Variants in GINM1 observed in about 807,000 individuals in gnomAD.
GINM1 encodes the protein glycosylated integral membrane protein 1, also known as glycoprotein integral membrane protein 1.
GINM1 carries 29 observed loss-of-function variants against 37.8 expected under a neutral mutation model. The observed-to-expected ratio is 0.77, with a 90% CI of 0.57 to 1.05. GINM1 has a LOEUF of 1.05. Among genes scored for constraint, GINM1 ranks in the 50% least tolerant of loss-of-function variants. GINM1 has a pLI of 0.00. For missense variants in GINM1, 377 were observed against 397.9 expected, an observed-to-expected ratio of 0.95 and a Z score of 0.45; for synonymous variants, 143 against 146.2, an observed-to-expected ratio of 0.98 and a Z score of 0.16.
chr6:149,576,099 T>A (rs1777910338), intron 3 of GINM1: 1 of 152,210 alleles, frequency 6.6e-6, no homozygotes, highest in African/African-American at 2.4e-5. Context: ...AGGTCGAGAA[T>A]CTGAGCTTGG....
chr6:149,581,715 C>T (rs957353796), intron 6 of GINM1, among the ~76,000 whole-genome samples: 1 of 152,098 alleles, frequency 6.6e-6, no homozygotes, highest in South Asian at 2.1e-4. Flanking sequence ...GAGAGTATCC[C>T]GATATCTCTC....
intron 7 of GINM1, among the ~76,000 whole-genome samples, chr6:149,589,607 T>G (rs1234802966): frequency 6.6e-6 from 1 of 152,202 alleles, no homozygotes; most frequent in East Asian, 1.9e-4. Context: ...TTCTGTATAC[T>G]TTTAAAGCTA....
chr6:149,568,977 G>A (rs921277280), intron 1 of GINM1, among the ~76,000 whole-genome samples: 6 of 150,440 alleles, frequency 4.0e-5, no homozygotes, highest in East Asian at 3.9e-4. Flanking sequence ...TACTACTGGC[G>A]CGTGCCACCA....
chr6:149,577,249 C>G (rs1562271565), intron 3 of GINM1: 1 of 152,260 alleles, frequency 6.6e-6, no homozygotes, highest in East Asian at 1.9e-4. Flanking sequence ...CATTGAGTCT[C>G]CTGTACCTTA....
In GINM1 at chr6:149,566,402, CG is replaced by C; in HGVS notation, c.-10del. ...CTCCCGGCCGCGGCTGCCCTCTGCC[CG>C]GGTTGTCCAAGATGGAGGGCGCTCC... On this transcript the variant is annotated 5_prime_UTR_variant, in exon 1 of 8. Transcript: ENST00000367419. This position sits in a 1 kb window ranked among gnomAD's most constrained non-coding sequence, Gnocchi z 4.4. 1 of 1,553,918 alleles carries C rather than the reference CG, an allele frequency of 6.4e-7. No homozygotes were observed. The highest frequency in any genetic ancestry group is 8.6e-7 in the Non-Finnish European group (1 of 1,161,158).
rs943477905 is a variant in GINM1 at position 149,578,809 on chromosome 6, T to A, written c.278-13T>A. 1.3e-6 allele frequency: 2 copies of A among 1,518,540 alleles called. No individual in the cohort carries two copies. The highest frequency in any genetic ancestry group is 1.4e-5 in the African/African-American group (1 of 70,590). The allele number at this position is 1,518,540 out of a possible 1,614,324, so 94.1% of individuals were successfully genotyped here. A position where few individuals can be genotyped will look rare whatever the true frequency, so the allele number is the denominator to read the frequency against. Reference sequence around the variant, plus strand: ...ATCTTTGTTCAAAGGTGTCACTACTTTTTTTTTTATAGTGAAGAATGAAAA... The same window carrying A: ...ATCTTTGTTCAAAGGTGTCACTACTATTTTTTTTATAGTGAAGAATGAAAA... On this transcript the variant is annotated splice_polypyrimidine_tract_variant and intron_variant, in intron 3 of 7. Transcript: ENST00000367419.
chr6:149,566,471 A>T lies in GINM1; in HGVS notation c.57A>T (p.Leu19=). 1 of 1,559,236 alleles carries T rather than the reference A, an allele frequency of 6.4e-7. No homozygotes were observed. Among genetic ancestry groups the T allele is most frequent in the Non-Finnish European group, 8.6e-7 (1 of 1,163,856 alleles). The change falls in exon 1 of 8, where the codon CTA becomes CTT. Residue 19 remains leucine (L), a synonymous_variant. Transcript: ENST00000367419. This position sits in a 1 kb window ranked among gnomAD's most constrained non-coding sequence, Gnocchi z 4.4. ...LALRLLLFVA[L]PASGWLTTGA... ...TCCGGCTCCTGCTGTTCGTGGCGCT[A>T]CCCGCCTCCGGCTGGCTGACGACGG...
chr6:149,577,157 A>G (rs1385522464), intron 3 of GINM1, among the ~76,000 whole-genome samples: 1 of 152,234 alleles, frequency 6.6e-6, no homozygotes, highest in Non-Finnish European at 1.5e-5. Flanking sequence ...TTTGCGGGGA[A>G]CATCCAAACT....
chr6:149,571,608 T>C lies in GINM1; in HGVS notation c.121-677T>C, dbSNP rs73781235. Reference sequence around the variant, plus strand: ...AAAGCAAGAAATGATTCAAATGGAATTGGGTATAGGATTCCTTCTGGGGGG... The same window carrying C: ...AAAGCAAGAAATGATTCAAATGGAACTGGGTATAGGATTCCTTCTGGGGGG... On this transcript the variant is annotated intron_variant, in intron 1 of 7. Transcript: ENST00000367419. Among the ~76,000 whole-genome samples the C allele has an allele frequency of 3.6e-3, 553 of 152,102 alleles. 3 individuals carry two copies. Among genetic ancestry groups the C allele is most frequent in the African/African-American group, 0.013 (530 of 41,480 alleles).
At chr6:149,576,212 G>C (rs1255994892) in intron 3 of GINM1, 2 of 152,110 alleles carry the variant, frequency 1.3e-5, no homozygotes, top group Non-Finnish European at 1.5e-5. Flanking sequence ...GCAGGAGTCA[G>C]TTCCTTCTGA....
At chr6:149,575,705 G>A (rs1777904042) in intron 3 of GINM1, among the ~76,000 whole-genome samples, 2 of 152,180 alleles carry the variant, frequency 1.3e-5, no homozygotes, top group African/African-American at 4.8e-5. Context: ...TTTGCAAGTG[G>A]TTCATTGCAA....
chr6:149,579,081 G>T, intron 4 of GINM1, 108 bp downstream of exon 4: 1 of 554,214 alleles, frequency 1.8e-6, no homozygotes, highest in Non-Finnish European at 3.1e-6. Context: ...TAAGGAAGGT[G>T]CCTAATGTTG....
At position 149,566,450 on chromosome 6, in the gene GINM1, G is replaced by T. The variant is rs11547034; in HGVS notation, c.36G>T (p.Arg12=). The T allele has an allele frequency of 1.9e-6, 3 of 1,575,328 alleles. No individual in the cohort carries two copies. The highest frequency in any genetic ancestry group is 4.7e-5 in the East Asian group (2 of 42,690). ...CTCCACCGGGGTCGCTCGCCCTCCG[G>T]CTCCTGCTGTTCGTGGCGCTACCCG... The part of the protein sequence containing the change: ...EGAPPGSLAL[R]LLLFVALPAS... The change falls in exon 1 of 8, where the codon CGG becomes CGT. Residue 12 remains arginine (R), a synonymous_variant. Transcript: ENST00000367419. This position sits in a 1 kb window ranked among gnomAD's most constrained non-coding sequence, Gnocchi z 4.4.
At chr6:149,572,823 G>A (rs777691036) in intron 3 of GINM1, among the ~76,000 whole-genome samples, 2 of 152,012 alleles carry the variant, frequency 1.3e-5, no homozygotes, top group African/African-American at 2.4e-5. Flanking sequence ...CACCATACCC[G>A]GCTAACTTTT....
At chr6:149,569,208 A>G (rs1447410165) in intron 1 of GINM1, among the ~76,000 whole-genome samples, 1 of 150,498 alleles carries the variant, frequency 6.6e-6, no homozygotes, top group Non-Finnish European at 1.5e-5. Flanking sequence ...TAATTTTTTT[A>G]TATTTTTAGT....
chr6:149,578,721 C>A, intron 3 of GINM1, 101 bp from the exon 4 acceptor site: 1 of 750,616 alleles, frequency 1.3e-6, no homozygotes, highest in Non-Finnish European at 2.1e-6. Context: ...AATGGGTTTT[C>A]AACTGTCTTG....
Position 149,566,405 on chromosome 6 carries a change from G to T in GINM1, c.-10G>T. ...CCGGCCGCGGCTGCCCTCTGCCCGG[G>T]TTGTCCAAGATGGAGGGCGCTCCAC... On this transcript the variant is annotated 5_prime_UTR_variant, in exon 1 of 8. Transcript: ENST00000367419. The surrounding 1 kb of genome is among the most constrained non-coding windows in gnomAD (Gnocchi z 4.4). 2 of 1,556,508 alleles carry T rather than the reference G, an allele frequency of 1.3e-6. No homozygotes were observed. The highest frequency in any genetic ancestry group is 1.7e-6 in the Non-Finnish European group (2 of 1,162,412).
In GINM1 at chr6:149,566,593, G is replaced by A; in HGVS notation, c.120+59G>A. The stretch of plus-strand genomic sequence containing the variant: ...GACTCCGACTCTCCGGGAGGCCCGG[G>A]CTGTCCACAGTGACGCTTCCCACAT... On this transcript the variant is annotated intron_variant, in intron 1 of 7. Transcript: ENST00000367419. This position sits in a 1 kb window ranked among gnomAD's most constrained non-coding sequence, Gnocchi z 4.4. 7.7e-6 allele frequency: 11 copies of A among 1,422,590 alleles called. No homozygotes were observed. The South Asian group carries it at 1.6e-4, about 20-fold the overall frequency. The allele number at this position is 1,422,590 out of a possible 1,614,324, so 88.1% of individuals were successfully genotyped here.
At position 149,578,819 on chromosome 6, in the gene GINM1, T is replaced by C; in HGVS notation, c.278-3T>C. On this transcript the variant is annotated splice_polypyrimidine_tract_variant and splice_region_variant and intron_variant, in intron 3 of 7. Transcript: ENST00000367419. Reference sequence around the variant, plus strand: ...AAAGGTGTCACTACTTTTTTTTTTATAGTGAAGAATGAAAATCTTGAAAAT... The same window carrying C: ...AAAGGTGTCACTACTTTTTTTTTTACAGTGAAGAATGAAAATCTTGAAAAT... The C allele has an allele frequency of 6.4e-7, 1 of 1,550,394 alleles. No individual in the cohort carries two copies. Among genetic ancestry groups the C allele is most frequent in the Non-Finnish European group, 8.8e-7 (1 of 1,134,866 alleles).
Sources: allele counts gnomAD v4.1 joint callset (sites outside exome capture counted in the v4.1 genomes callset), GRCh38; gene constraint gnomAD v4.1.1; non-coding constraint Gnocchi (gnomAD v3.1); transcripts MANE v1.5; gene names NCBI Gene and HGNC (gene_info 2026-07-23, HGNC 2026-07-21).